The following KCNJ6 variants were observed in gnomAD, a reference collection of about 807,000 sequenced individuals.
KCNJ6 encodes the protein potassium inwardly rectifying channel subfamily J member 6.
KCNJ6 carries 9 observed loss-of-function variants against 34.2 expected under a neutral mutation model. That is an observed-to-expected ratio of 0.26 (90% confidence interval 0.16 to 0.46). The LOEUF (loss-of-function observed/expected upper bound fraction) is 0.46, where lower values mean the gene tolerates loss of function less well. Ranked by LOEUF, KCNJ6 falls within the 20% of genes least tolerant of loss-of-function variation. The pLI is 1.00. For synonymous variants in KCNJ6, 196 were observed against 207.1 expected, an observed-to-expected ratio of 0.95 and a Z score of 0.46; for missense variants, 236 against 531.3, an observed-to-expected ratio of 0.44 and a Z score of 5.46.
Position 37,675,816 on chromosome 21 carries a change from A to G in KCNJ6, c.946+38395T>C, listed in dbSNP as rs1338954963. ...ATTGACTCCCAAATTCCTATGCTAG[A>G]GTTACCTTAACGGCAAGCCAGACCC... On this transcript the variant is annotated intron_variant, in intron 3 of 3. Transcript: ENST00000609713. This position sits in a 1 kb window ranked among gnomAD's most constrained non-coding sequence, Gnocchi z 4.2. Among the ~76,000 whole-genome samples, 1 of 149,106 alleles carries G rather than the reference A, an allele frequency of 6.7e-6. No individual in the cohort carries two copies. The highest frequency in any genetic ancestry group is 1.5e-5 in the Non-Finnish European group (1 of 67,110).
At chr21:37,773,963 G>T (rs1318500416) in intron 2 of KCNJ6, among the ~76,000 whole-genome samples, 1 of 152,152 alleles carries the variant, frequency 6.6e-6, no homozygotes, top group East Asian at 1.9e-4. Context: ...ACCCTCATGT[G>T]ATGATTTCCA....
chr21:37,822,547 AG>A (rs2055378193), intron 2 of KCNJ6, among the ~76,000 whole-genome samples: 1 of 152,220 alleles, frequency 6.6e-6, no homozygotes, highest in Admixed American at 6.5e-5. Context: ...ATCTGTCAAA[AG>A]AAACGCCTTC....
chr21:37,613,426 A>G lies in KCNJ6; in HGVS notation c.*11733T>C, dbSNP rs73220480. 0.29 allele frequency: 44,657 copies of G among 152,836 alleles called. 6,819 individuals are homozygous for G. Among genetic ancestry groups the G allele is most frequent in the South Asian group, 0.33 (1,620 of 4,854 alleles). The allele number at this position is 152,836 out of a possible 1,614,324, so 9.5% of individuals were successfully genotyped here. ...AGCTTTAACATATCATATTTACCCA[A>G]ATGAATTGAAAACTTATGTCCACAC... On this transcript the variant is annotated 3_prime_UTR_variant, in exon 4 of 4. Transcript: ENST00000609713.
At chr21:37,831,125 T>C (rs2055423936) in intron 2 of KCNJ6, among the ~76,000 whole-genome samples, 1 of 152,172 alleles carries the variant, frequency 6.6e-6, no homozygotes. Flanking sequence ...CAGAGGTAGG[T>C]AGGATCTCTG....
At chr21:37,647,056 G>GCCTGGCCAACATGGT (rs2054408619) in intron 3 of KCNJ6, among the ~76,000 whole-genome samples, 1 of 151,926 alleles carries the variant, frequency 6.6e-6, no homozygotes, top group African/African-American at 2.4e-5. Flanking sequence ...CGACGGGGAG[G>GCCTGGCCAACATGGT]GATGGAGCCC....
At chr21:37,782,991 T>C (rs2055176761) in intron 2 of KCNJ6, among the ~76,000 whole-genome samples, 1 of 152,216 alleles carries the variant, frequency 6.6e-6, no homozygotes, top group African/African-American at 2.4e-5. Flanking sequence ...GACTTCCTCC[T>C]GCCACCCGGC....
rs2054256505 is a variant in KCNJ6 at position 37,614,545 on chromosome 21, C to CAT, written c.*10613_*10614insAT. On this transcript the variant is annotated 3_prime_UTR_variant, in exon 4 of 4. Transcript: ENST00000609713. Reference sequence around the variant, plus strand: ...GTGTGTATGCATGTCTCTGTGTATGCGTGTGTGTGTATGCGTGTGTGTATG... The same window carrying CAT: ...GTGTGTATGCATGTCTCTGTGTATGCATGTGTGTGTGTATGCGTGTGTGTATG... The CAT allele has an allele frequency of 2.0e-5, 2 of 101,110 alleles. No homozygotes were observed. The highest frequency in any genetic ancestry group is 3.8e-5 in the African/African-American group (1 of 26,168). 6.3% of individuals were successfully genotyped at this position (101,110 alleles called of 1,614,324 possible).
chr21:37,773,326 A>G (rs1359293909), intron 2 of KCNJ6, among the ~76,000 whole-genome samples: 1 of 152,124 alleles, frequency 6.6e-6, no homozygotes, highest in Non-Finnish European at 1.5e-5. Context: ...TGTCTTGGGC[A>G]AGTCACTCCA....
chr21:37,741,601 A>T (rs574522502), intron 2 of KCNJ6, among the ~76,000 whole-genome samples: 2 of 152,166 alleles, frequency 1.3e-5, no homozygotes, highest in East Asian at 3.9e-4. Context: ...AGCCTTGCCC[A>T]TGCCTCCACA....
At position 37,641,389 on chromosome 21, in the gene KCNJ6, G is replaced by A. The variant is rs76080449; in HGVS notation, c.947-15905C>T. 8.3e-3 allele frequency among the ~76,000 whole-genome samples: 1,269 copies of A among 152,040 alleles called. 22 individuals are homozygous for A. The highest frequency in any genetic ancestry group is 0.029 in the African/African-American group (1,219 of 41,458). On this transcript the variant is annotated intron_variant, in intron 3 of 3. Transcript: ENST00000609713. ...AGAACAGAATGATGACTTGGCCCTC[G>A]GATTCATTGGATGTATAGTCTACTG...
At position 37,675,575 on chromosome 21, in the gene KCNJ6, G is replaced by A. The variant is rs1300327361; in HGVS notation, c.946+38636C>T. 6.6e-6 allele frequency among the ~76,000 whole-genome samples: 1 copy of A among 152,226 alleles called. No homozygotes were observed. Among genetic ancestry groups the A allele is most frequent in the East Asian group, 1.9e-4 (1 of 5,188 alleles). On this transcript the variant is annotated intron_variant, in intron 3 of 3. Coordinates refer to ENST00000609713, the MANE Select transcript of KCNJ6 (RefSeq NM_002240.5). This position sits in a 1 kb window ranked among gnomAD's most constrained non-coding sequence, Gnocchi z 4.2. ...CTGCGATGACACCCAGTCCCTGGGCGCCGCCGCATCGCCCTGCCCTGAGCG... is the reference window on the plus strand; with the variant it reads ...CTGCGATGACACCCAGTCCCTGGGCACCGCCGCATCGCCCTGCCCTGAGCG...
intron 1 of KCNJ6, among the ~76,000 whole-genome samples, chr21:37,898,602 GAAAAAA>G (rs1028173800): frequency 6.7e-6 from 1 of 148,874 alleles, no homozygotes; most frequent in Non-Finnish European, 1.5e-5. Flanking sequence ...AAAAAAAAAA[GAAAAAA>G]AGAAAAAGAA....
intron 1 of KCNJ6, among the ~76,000 whole-genome samples, chr21:37,908,208 T>C (rs1335483345): frequency 6.6e-6 from 1 of 152,234 alleles, no homozygotes; most frequent in Non-Finnish European, 1.5e-5. Context: ...TGGTTCTTCC[T>C]CTCATAGTCT....
Position 37,695,026 on chromosome 21 carries a change from G to T in KCNJ6, c.946+19185C>A, listed in dbSNP as rs987763906. ...CTGTTGTTTAAGCTGCCTAGCCTATGATATTTTGTTATGGCAGCCTGAGCT... is the reference window on the plus strand; with the variant it reads ...CTGTTGTTTAAGCTGCCTAGCCTATTATATTTTGTTATGGCAGCCTGAGCT... On this transcript the variant is annotated intron_variant, in intron 3 of 3. Transcript: ENST00000609713. The surrounding 1 kb of genome is among the most constrained non-coding windows in gnomAD (Gnocchi z 4.2). 3.3e-5 allele frequency among the ~76,000 whole-genome samples: 5 copies of T among 152,204 alleles called. No individual in the cohort carries two copies. In the East Asian group the frequency reaches 9.6e-4, roughly 29 times the overall value.
chr21:37,792,400 T>C (rs2055221181), intron 2 of KCNJ6, among the ~76,000 whole-genome samples: 1 of 152,254 alleles, frequency 6.6e-6, no homozygotes, highest in South Asian at 2.1e-4. Context: ...CATTTATTTC[T>C]GTGGCCGACT....
chr21:37,910,003 T>C (rs2055859649), intron 1 of KCNJ6, among the ~76,000 whole-genome samples: 1 of 152,226 alleles, frequency 6.6e-6, no homozygotes. Context: ...GTGCCATGTC[T>C]GAGCAGAAAT....
At chr21:37,644,042 C>A (rs1436859897) in intron 3 of KCNJ6, among the ~76,000 whole-genome samples, 1 of 152,024 alleles carries the variant, frequency 6.6e-6, no homozygotes, top group Non-Finnish European at 1.5e-5. Context: ...TACTATGCAG[C>A]CATAAAAAAG....
At position 37,622,725 on chromosome 21, in the gene KCNJ6, T is replaced by C. The variant is rs2054293916; in HGVS notation, c.*2434A>G. The C allele has an allele frequency of 6.6e-6, 1 of 152,222 alleles. No individual in the cohort carries two copies. The highest frequency in any genetic ancestry group is 2.1e-4 in the South Asian group (1 of 4,824). The allele number at this position is 152,222 out of a possible 1,614,324, so 9.4% of individuals were successfully genotyped here. A position where few individuals can be genotyped will look rare whatever the true frequency, so the allele number is the denominator to read the frequency against. ...CGTGTTGTCAAGGCTCTTCGTTCAG[T>C]TGTGCTAAAGGGCAGGCAAGCAGGG... On this transcript the variant is annotated 3_prime_UTR_variant, in exon 4 of 4. Coordinates refer to ENST00000609713, the MANE Select transcript of KCNJ6 (RefSeq NM_002240.5).
chr21:37,706,231 T>A (rs1179559156), intron 3 of KCNJ6, among the ~76,000 whole-genome samples: 1 of 152,212 alleles, frequency 6.6e-6, no homozygotes, highest in Non-Finnish European at 1.5e-5. Flanking sequence ...AAGCTGGGAA[T>A]TTTTGGTGAA....
Sources: allele counts gnomAD v4.1 joint callset (sites outside exome capture counted in the v4.1 genomes callset), GRCh38; gene constraint gnomAD v4.1.1; non-coding constraint Gnocchi (gnomAD v3.1); transcripts MANE v1.5; gene names NCBI Gene and HGNC (gene_info 2026-07-23, HGNC 2026-07-21).